Variants in TFEC observed in about 807,000 individuals in gnomAD.
TFEC encodes the protein transcription factor EC.
A neutral mutation model predicts 41.6 loss-of-function variants in TFEC; 31 were observed. The ratio of observed to expected loss-of-function variants is 0.74; its 90% CI spans 0.56 to 1.01. The LOEUF is 1.01. TFEC is among the 50% of genes least tolerant of loss of function. The pLI, the probability that TFEC is intolerant of heterozygous loss-of-function variation, is 0.00. For synonymous variants in TFEC, 143 were observed against 140.6 expected, an observed-to-expected ratio of 1.02 and a Z score of -0.12; for missense variants, 402 against 404.1, an observed-to-expected ratio of 0.99 and a Z score of 0.04.
At position 116,029,588 on chromosome 7, in the gene TFEC, A is replaced by G. The variant is rs1795716392; in HGVS notation, c.-73+1045T>C. On this transcript the variant is annotated intron_variant, in intron 1 of 7. Coordinates refer to ENST00000265440, the MANE Select transcript of TFEC (RefSeq NM_012252.4). Reference sequence around the variant, plus strand: ...GGTTTCTCCTTCCCTTAAAATGCATATTCCCAGTGAAATATTCTAAGACAA... The same window carrying G: ...GGTTTCTCCTTCCCTTAAAATGCATGTTCCCAGTGAAATATTCTAAGACAA... 2.0e-5 allele frequency among the ~76,000 whole-genome samples: 3 copies of G among 152,116 alleles called. No homozygotes were observed. The South Asian group carries it at 6.2e-4, about 31-fold the overall frequency.
At position 115,940,657 on chromosome 7, in the gene TFEC, A is replaced by T. The variant is rs1793443776; in HGVS notation, c.938T>A (p.Ile313Asn). The T allele has an allele frequency of 1.2e-6, 2 of 1,613,580 alleles. No homozygotes were observed. Among genetic ancestry groups the T allele is most frequent in the Non-Finnish European group, 1.7e-6 (2 of 1,179,658 alleles). The change falls in exon 8 of 8, where the codon ATC becomes AAC. Residue 313 changes from isoleucine (I) to asparagine (N), a missense_variant. Ile to Asn is a moderately radical substitution (Grantham distance 149). Transcript: ENST00000265440. Reference sequence around the variant, plus strand: ...CAGAGGATCTGTTCCAAATGGAGAGATTGTGTCATCCAATAGCATGCCATC... The same window carrying T: ...CAGAGGATCTGTTCCAAATGGAGAGTTTGTGTCATCCAATAGCATGCCATC... ...RLDGMLLDDTISPFGTDPLLS... is the reference protein window; with the variant it reads ...RLDGMLLDDTNSPFGTDPLLS...
intron 3 of TFEC, among the ~76,000 whole-genome samples, chr7:116,103,128 C>A (rs909561109): frequency 4.6e-5 from 7 of 151,992 alleles, no homozygotes; most frequent in African/African-American, 1.7e-4. Flanking sequence ...CTGAAACTGG[C>A]AGAACATTTT....
At chr7:116,115,398 T>G (rs766520102) in intron 1 of TFEC, among the ~76,000 whole-genome samples, 1 of 151,962 alleles carries the variant, frequency 6.6e-6, no homozygotes, top group Non-Finnish European at 1.5e-5. Flanking sequence ...TAGAGCTGGC[T>G]TTTTTAGGAG....
chr7:116,047,534 C>G (rs184693539), intron 3 of TFEC, among the ~76,000 whole-genome samples: 1 of 152,158 alleles, frequency 6.6e-6, no homozygotes, highest in Admixed American at 6.5e-5. Flanking sequence ...CACCGCAGCT[C>G]AAGGAGGCCT....
At chr7:115,941,754 C>G in intron 7 of TFEC, 139 bp downstream of exon 7, 1 of 1,201,148 alleles carries the variant, frequency 8.3e-7, no homozygotes, top group Non-Finnish European at 1.1e-6. Context: ...TCACGAACTT[C>G]TAAAAAGCAG....
At chr7:116,044,427 CTTAA>C (rs1277227212) in intron 3 of TFEC, among the ~76,000 whole-genome samples, 1 of 152,086 alleles carries the variant, frequency 6.6e-6, no homozygotes, top group African/African-American at 2.4e-5. Flanking sequence ...GAACATAACA[CTTAA>C]TTGTTTGAAA....
intron 3 of TFEC, among the ~76,000 whole-genome samples, chr7:116,037,341 TA>T (rs1474892440): frequency 6.6e-6 from 1 of 151,958 alleles, no homozygotes; most frequent in Admixed American, 6.6e-5. Context: ...CCTAAAAATC[TA>T]AGGCAAAGGA....
At chr7:115,974,069 A>T in intron 3 of TFEC, 101 bp downstream of exon 3, 1 of 905,968 alleles carries the variant, frequency 1.1e-6, no homozygotes, top group Non-Finnish European at 1.6e-6. Flanking sequence ...TTGTCTGTTT[A>T]AAAAGTGCAG....
intron 1 of TFEC, among the ~76,000 whole-genome samples, chr7:116,131,278 T>C (rs1798325776): frequency 6.6e-6 from 1 of 152,186 alleles, no homozygotes; most frequent in Admixed American, 6.5e-5. Flanking sequence ...TGAATAAATA[T>C]TTTAGACAGG....
rs1434033478 is a variant in TFEC, at chr7:116,039,105, C to T, written c.199-54592G>A. On this transcript the variant is annotated intron_variant, in intron 3 of 8. Transcript: ENST00000484212. Reference sequence around the variant, plus strand: ...AATTAACCTGCAACCCAATTATATGCTAAGTGAGGACTAGAATATGTTATA... The same window carrying T: ...AATTAACCTGCAACCCAATTATATGTTAAGTGAGGACTAGAATATGTTATA... Among the ~76,000 whole-genome samples the T allele has an allele frequency of 6.5e-5, 9 of 138,548 alleles. No individual in the cohort carries two copies. The East Asian group carries it at 9.1e-4, about 14-fold the overall frequency. The allele number at this position is 138,548 out of a possible 152,430, so 90.9% of individuals were successfully genotyped here.
At chr7:116,124,167 A>T (rs1798164466) in intron 1 of TFEC, among the ~76,000 whole-genome samples, 3 of 152,176 alleles carry the variant, frequency 2.0e-5, no homozygotes, top group Admixed American at 2.0e-4. Flanking sequence ...GGATACATTT[A>T]AACATATTCC....
At chr7:115,963,980 T>C (rs151158525) in intron 3 of TFEC, among the ~76,000 whole-genome samples, 1 of 151,766 alleles carries the variant, frequency 6.6e-6, no homozygotes, top group Admixed American at 6.6e-5. Context: ...GGGAGCAAGA[T>C]AAGGATGCCT....
At chr7:116,105,215 G>A (rs567085507) in intron 3 of TFEC, among the ~76,000 whole-genome samples, 37 of 152,232 alleles carry the variant, frequency 2.4e-4, no homozygotes, top group African/African-American at 7.0e-4. Context: ...GAGACCAGGA[G>A]GCAGACATGA....
At chr7:116,111,111 TAAA>T (rs374892440) in intron 2 of TFEC, among the ~76,000 whole-genome samples, 1 of 139,398 alleles carries the variant, frequency 7.2e-6, no homozygotes, top group Non-Finnish European at 1.6e-5. Context: ...ATGTTCAAGT[TAAA>T]AAAAAAAAAA....
chr7:116,090,407 C>T (rs529639012), intron 3 of TFEC, among the ~76,000 whole-genome samples: 3 of 152,224 alleles, frequency 2.0e-5, no homozygotes, highest in Non-Finnish European at 2.9e-5. Context: ...GTGGAGTGTA[C>T]TTTCATTTTC....
intron 3 of TFEC, among the ~76,000 whole-genome samples, chr7:115,959,491 C>T (rs1039287027): frequency 6.6e-6 from 1 of 151,628 alleles, no homozygotes; most frequent in African/African-American, 2.4e-5. Context: ...TCTACAGTAA[C>T]TAATATTTCC....
intron 1 of TFEC, among the ~76,000 whole-genome samples, chr7:116,148,068 A>G (rs1227664724): frequency 1.3e-5 from 2 of 152,220 alleles, no homozygotes; most frequent in African/African-American, 4.8e-5. Flanking sequence ...GGATTCATAA[A>G]GAAGGCGAGA....
chr7:116,036,725 A>C (rs1024021356), intron 3 of TFEC, among the ~76,000 whole-genome samples: 13 of 152,126 alleles, frequency 8.5e-5, no homozygotes, highest in Non-Finnish European at 1.6e-4. Flanking sequence ...ATTTTTAAAG[A>C]TAAATTACCC....
chr7:116,153,345 C>G (rs1798801920), intron 1 of TFEC, among the ~76,000 whole-genome samples: 1 of 152,160 alleles, frequency 6.6e-6, no homozygotes, highest in South Asian at 2.1e-4. Context: ...AATCCGCCTC[C>G]TGTGTTCAAG....
Sources: gnomAD v4.1 joint callset for allele counts (sites outside exome capture counted in the v4.1 genomes callset) on GRCh38, gnomAD v4.1.1 for gene constraint, MANE v1.5 for transcripts, NCBI Gene and HGNC (gene_info 2026-07-23, HGNC 2026-07-21) for gene names.